Variants in CFAP61 observed in about 807,000 individuals in gnomAD.
The protein encoded by CFAP61 is cilia- and flagella-associated protein 61.
CFAP61 carries 107 observed loss-of-function variants against 135.6 expected under a neutral mutation model. That is an observed-to-expected ratio of 0.79 (90% CI 0.67 to 0.93). The LOEUF is 0.93. CFAP61 is among the 40% of genes least tolerant of loss of function. The pLI is 0.00. For synonymous variants in CFAP61, 575 were observed against 578.5 expected, an observed-to-expected ratio of 0.99 and a Z score of 0.09; for missense variants, 1,507 against 1,556.2, an observed-to-expected ratio of 0.97 and a Z score of 0.53.
chr20:20,270,982 A>G (rs74527871), intron 21 of CFAP61, among the ~76,000 whole-genome samples: 2 of 152,310 alleles, frequency 1.3e-5, no homozygotes, highest in East Asian at 3.9e-4. Context: ...CCAGGTTGAA[A>G]CTTTAAAATG....
Position 20,142,917 on chromosome 20 carries a change from C to A in CFAP61, c.920C>A (p.Pro307His). Residue 307 changes from proline to histidine, a missense_variant, in exon 9 of 27, where the codon CCT becomes CAT. Physicochemically the swap from Pro to His is moderately conservative, Grantham distance 77. Coordinates refer to ENST00000245957, the MANE Select transcript of CFAP61 (RefSeq NM_015585.4). ...AAAATAGTCGAGGAGTTGCAGGAAC[C>A]TGTCTCTCCAGATACCATGGAAAAC... ...SQKIVEELQEPVSPDTMENIQ... is the reference protein window; with the variant it reads ...SQKIVEELQEHVSPDTMENIQ... 6.3e-7 allele frequency: 1 copy of A among 1,599,794 alleles called. No individual in the cohort carries two copies. Among genetic ancestry groups the A allele is most frequent in the Non-Finnish European group, 8.5e-7 (1 of 1,172,070 alleles).
rs189780283 is a variant in CFAP61 at position 20,269,834 on chromosome 20, A to G, written c.2503+6704A>G. Among the ~76,000 whole-genome samples the G allele has an allele frequency of 4.6e-5, 7 of 152,340 alleles. No homozygotes were observed. The East Asian group carries it at 7.7e-4, about 17-fold the overall frequency. ...ACATATCCATCTGCAAGTGTACTGC[A>G]GTGCTATGAGACCTGATTTTGAAAT... On this transcript the variant is annotated intron_variant, in intron 21 of 26. Coordinates refer to ENST00000245957, the MANE Select transcript of CFAP61 (RefSeq NM_015585.4).
chr20:20,244,672 T>C (rs569342592), intron 18 of CFAP61, among the ~76,000 whole-genome samples: 1 of 152,320 alleles, frequency 6.6e-6, no homozygotes, highest in African/African-American at 2.4e-5. Context: ...TCCATTGTCT[T>C]GGGGATTAAC....
chr20:20,100,708 G>A (rs753929384), intron 8 of CFAP61, among the ~76,000 whole-genome samples: 4 of 152,160 alleles, frequency 2.6e-5, no homozygotes, highest in Non-Finnish European at 5.9e-5. Flanking sequence ...GAGTGGCTCT[G>A]ATGCTACTGT....
chr20:20,288,587 G>T (rs758970929), intron 22 of CFAP61, 22 bp from the exon 23 acceptor site: 1 of 1,578,382 alleles, frequency 6.3e-7, no homozygotes, highest in Non-Finnish European at 8.7e-7. Context: ...ACTGAATATT[G>T]CTGTAATTGT....
chr20:20,350,970 G>T (rs1051025065), intron 26 of CFAP61, among the ~76,000 whole-genome samples: 1 of 152,006 alleles, frequency 6.6e-6, no homozygotes, highest in African/African-American at 2.4e-5. Context: ...CACAATAAAG[G>T]CCGTATATGA....
chr20:20,106,043 T>TAA (rs2048383799), intron 8 of CFAP61, among the ~76,000 whole-genome samples: 2 of 119,330 alleles, frequency 1.7e-5, no homozygotes, highest in African/African-American at 4.7e-5. Context: ...TATATATATA[T>TAA]ATATATAAAA....
At chr20:20,068,560 G>A (rs1008010969) in intron 2 of CFAP61, among the ~76,000 whole-genome samples, 1 of 152,270 alleles carries the variant, frequency 6.6e-6, no homozygotes, top group Admixed American at 6.5e-5. Flanking sequence ...TGTGGCTGAG[G>A]AGTGTGATCA....
At chr20:20,111,417 G>A (rs1432096834) in intron 8 of CFAP61, among the ~76,000 whole-genome samples, 7 of 152,172 alleles carry the variant, frequency 4.6e-5, no homozygotes, top group South Asian at 2.1e-4. Context: ...CTGCCGGGAA[G>A]TAGCCTTACT....
intron 25 of CFAP61, among the ~76,000 whole-genome samples, chr20:20,318,479 C>A (rs1397905709): frequency 1.3e-5 from 2 of 152,182 alleles, no homozygotes; most frequent in Admixed American, 1.3e-4. Flanking sequence ...TGGGAGGAGA[C>A]TTTCGTGTCT....
chr20:20,151,345 CA>C lies in CFAP61; in HGVS notation c.952-8015del, dbSNP rs140279260. ...AGGCTTTCAAATTAACCCAATTAGA[CA>C]AAAAAAAAAGAATTATTAAAAAATG... is the stretch of plus-strand genomic sequence containing the variant. On this transcript the variant is annotated intron_variant, in intron 9 of 26. Transcript: ENST00000245957. 4.0e-5 allele frequency among the ~76,000 whole-genome samples: 6 copies of C among 148,422 alleles called. No homozygotes were observed. The East Asian group carries it at 1.0e-3, about 25-fold the overall frequency.
chr20:20,143,979 G>A (rs1045721817), intron 9 of CFAP61, among the ~76,000 whole-genome samples: 11 of 152,346 alleles, frequency 7.2e-5, no homozygotes, highest in Admixed American at 4.6e-4. Context: ...AGCCAGACTG[G>A]AAAAGCTTAT....
chr20:20,179,250 T>A (rs1429814262), intron 13 of CFAP61, among the ~76,000 whole-genome samples: 1 of 151,728 alleles, frequency 6.6e-6, no homozygotes, highest in African/African-American at 2.4e-5. Context: ...AAGCCTAGAG[T>A]CAAATCAAGA....
intron 16 of CFAP61, among the ~76,000 whole-genome samples, chr20:20,197,558 A>G (rs1028079421): frequency 6.6e-6 from 1 of 151,426 alleles, no homozygotes; most frequent in African/African-American, 2.4e-5. Flanking sequence ...CACCCCACAC[A>G]CTCTCATGCA....
chr20:20,184,677 C>G (rs2055371909), intron 13 of CFAP61: 1 of 152,112 alleles, frequency 6.6e-6, no homozygotes, highest in Non-Finnish European at 1.5e-5. Flanking sequence ...GGAACTTCCT[C>G]AGGTAGGAAC....
At chr20:20,241,017 G>C (rs767781510) in intron 18 of CFAP61, among the ~76,000 whole-genome samples, 6 of 152,188 alleles carry the variant, frequency 3.9e-5, no homozygotes, top group Non-Finnish European at 8.8e-5. Flanking sequence ...CTGTGGATCC[G>C]TCCTATCAGC....
intron 6 of CFAP61, among the ~76,000 whole-genome samples, chr20:20,090,550 C>T (rs138878765): frequency 0.036 from 5,511 of 151,824 alleles, 276 homozygotes; most frequent in African/African-American, 0.11. Context: ...ATTAGCTGGG[C>T]GTGGTGGTGC....
chr20:20,224,643 C>T (rs1410823285), intron 17 of CFAP61, among the ~76,000 whole-genome samples: 3 of 152,058 alleles, frequency 2.0e-5, no homozygotes, highest in South Asian at 2.1e-4. Context: ...TAGCTGAGAT[C>T]GCGCCATTGC....
intron 25 of CFAP61, among the ~76,000 whole-genome samples, chr20:20,305,586 C>T (rs1468487125): frequency 3.3e-5 from 5 of 152,234 alleles, no homozygotes; most frequent in African/African-American, 9.6e-5. Context: ...ATCCCTCACA[C>T]GCTTCCCTGC....
Sources: gnomAD v4.1 joint callset for allele counts (sites outside exome capture counted in the v4.1 genomes callset) on GRCh38, gnomAD v4.1.1 for gene constraint, MANE v1.5 for transcripts, NCBI Gene and HGNC (gene_info 2026-07-23, HGNC 2026-07-21) for gene names.